The following RSRC1 variants were observed in gnomAD, a reference collection of about 807,000 sequenced individuals.
The protein encoded by RSRC1 is serine/Arginine-related protein 53.
In RSRC1, 39 loss-of-function variants were observed where a neutral mutation model predicts 49.1. The ratio of observed to expected loss-of-function variants is 0.79; its 90% CI spans 0.61 to 1.04. The LOEUF (loss-of-function observed/expected upper bound fraction) is 1.04. Among genes scored for constraint, RSRC1 ranks in the 50% least tolerant of loss-of-function variants. The pLI is 0.00. For missense variants in RSRC1, 388 were observed against 402.4 expected (o/e 0.96, Z 0.31); for synonymous variants, 143 against 130.8 (o/e 1.09, Z -0.63).
At chr3:158,326,821 T>A (rs930443241) in intron 5 of RSRC1, among the ~76,000 whole-genome samples, 1 of 152,234 alleles carries the variant, frequency 6.6e-6, no homozygotes, top group South Asian at 2.1e-4. Flanking sequence ...CTCCTCCTTG[T>A]ACCTCTGGTA....
chr3:158,255,991 A>G lies in RSRC1; in HGVS notation c.495-42048A>G, dbSNP rs568759460. Among the ~76,000 whole-genome samples the G allele has an allele frequency of 3.9e-4, 60 of 152,244 alleles. 1 individual carries two copies. The Middle Eastern group carries it at 0.01, about 26-fold the overall frequency. On this transcript the variant is annotated intron_variant, in intron 4 of 9. Transcript: ENST00000611884. ...GACAATGGGGATTTCTAAGTGTACA[A>G]TCATGTCATCTACGAACAGGGACAG...
At chr3:158,358,658 T>G (rs1470707415) in intron 6 of RSRC1, among the ~76,000 whole-genome samples, 2 of 152,170 alleles carry the variant, frequency 1.3e-5, no homozygotes, top group African/African-American at 4.8e-5. Flanking sequence ...TCAGTGGCAT[T>G]CAGTACATTC....
chr3:158,146,068 T>C (rs575013641), intron 3 of RSRC1, among the ~76,000 whole-genome samples: 2 of 152,346 alleles, frequency 1.3e-5, no homozygotes, highest in African/African-American at 4.8e-5. Flanking sequence ...AATCATGTCA[T>C]CTGCAAACAG....
At chr3:158,118,413 C>CTGTGTGTGTGTGTGTGTGTGTGTGTG (rs57257889) in intron 1 of RSRC1, among the ~76,000 whole-genome samples, 1 of 90,070 alleles carries the variant, frequency 1.1e-5, no homozygotes, top group Non-Finnish European at 2.1e-5. Context: ...ACCTGGCCTT[C>CTGTGTGTGTGTGTGTGTGTGTGTGTG]TGTGTGTGTG....
intron 7 of RSRC1, among the ~76,000 whole-genome samples, chr3:158,516,470 G>C (rs562533815): frequency 1.4e-4 from 22 of 152,232 alleles, no homozygotes; most frequent in African/African-American, 5.1e-4. Context: ...ATCTCCAGCT[G>C]GGTGCTGGGA....
chr3:158,172,611 G>A (rs530264759), intron 3 of RSRC1, among the ~76,000 whole-genome samples: 38 of 152,210 alleles, frequency 2.5e-4, no homozygotes, highest in East Asian at 7.7e-4. Flanking sequence ...GTTAGCTAGC[G>A]TGTGTTTCTT....
At chr3:158,411,584 C>T (rs1578441882) in intron 6 of RSRC1, among the ~76,000 whole-genome samples, 1 of 151,990 alleles carries the variant, frequency 6.6e-6, no homozygotes, top group East Asian at 1.9e-4. Context: ...GTGGTGCCAT[C>T]ATAGTTCATT....
intron 5 of RSRC1, among the ~76,000 whole-genome samples, chr3:158,315,443 A>G (rs980182715): frequency 2.6e-5 from 4 of 152,184 alleles, no homozygotes; most frequent in African/African-American, 9.7e-5. Context: ...TTTACAGATA[A>G]GGAAACTAAG....
chr3:158,411,514 T>C (rs1734465386), intron 6 of RSRC1, among the ~76,000 whole-genome samples: 1 of 151,548 alleles, frequency 6.6e-6, no homozygotes, highest in African/African-American at 2.4e-5. Flanking sequence ...CTTTCTCTTT[T>C]TTTTTTGTTT....
chr3:158,190,875 C>A (rs1382540119), intron 3 of RSRC1, among the ~76,000 whole-genome samples: 1 of 151,854 alleles, frequency 6.6e-6, no homozygotes, highest in African/African-American at 2.4e-5. Context: ...TTTAACCCTT[C>A]TTGAATGACA....
At chr3:158,359,286 T>G (rs138548503) in intron 6 of RSRC1, among the ~76,000 whole-genome samples, 152 of 152,300 alleles carry the variant, frequency 1.0e-3, no homozygotes, top group African/African-American at 3.4e-3. Context: ...CATAATTTCT[T>G]TATCTGTAAG....
chr3:158,391,450 G>A (rs892871520), intron 6 of RSRC1, among the ~76,000 whole-genome samples: 2 of 152,146 alleles, frequency 1.3e-5, no homozygotes, highest in African/African-American at 4.8e-5. Context: ...AGGAGGAAGA[G>A]CTGTCCTAGG....
chr3:158,157,884 C>T (rs940772911), intron 3 of RSRC1, among the ~76,000 whole-genome samples: 2 of 151,998 alleles, frequency 1.3e-5, no homozygotes, highest in African/African-American at 2.4e-5. Context: ...CATTGCACCC[C>T]ACCCTGGGCA....
Position 158,142,734 on chromosome 3 carries a change from C to T in RSRC1, c.320+18743C>T, listed in dbSNP as rs572314438. Among the ~76,000 whole-genome samples, 5 of 152,024 alleles carry T rather than the reference C, an allele frequency of 3.3e-5. No homozygotes were observed. The East Asian group carries it at 9.7e-4, about 30-fold the overall frequency. ...ACAGCACCATGCCGTTCATGCCGTTCATGAGAGATCCACCCTGATGACCCA... is the reference window on the plus strand; with the variant it reads ...ACAGCACCATGCCGTTCATGCCGTTTATGAGAGATCCACCCTGATGACCCA... On this transcript the variant is annotated intron_variant, in intron 3 of 9. Coordinates refer to ENST00000611884, the MANE Select transcript of RSRC1 (RefSeq NM_001271838.2).
intron 4 of RSRC1, among the ~76,000 whole-genome samples, chr3:158,219,809 T>G (rs1722133816): frequency 1.3e-5 from 2 of 151,572 alleles, no homozygotes; most frequent in Admixed American, 6.6e-5. Context: ...TGATCTGACT[T>G]GAGTTCAGAA....
At chr3:158,405,005 A>G (rs1341371140) in intron 6 of RSRC1, among the ~76,000 whole-genome samples, 2 of 152,066 alleles carry the variant, frequency 1.3e-5, no homozygotes, top group African/African-American at 2.4e-5. Flanking sequence ...CTAAACTTCA[A>G]CAGAAAGGAA....
intron 7 of RSRC1, among the ~76,000 whole-genome samples, chr3:158,491,728 ACT>A (rs1321116177): frequency 6.6e-6 from 1 of 152,210 alleles, no homozygotes; most frequent in Non-Finnish European, 1.5e-5. Context: ...AATAAAGATA[ACT>A]CAGTATAATT....
intron 1 of RSRC1, among the ~76,000 whole-genome samples, chr3:158,113,830 C>A (rs976410968): frequency 1.3e-5 from 2 of 152,034 alleles, no homozygotes; most frequent in Non-Finnish European, 2.9e-5. Flanking sequence ...ATGTTCTTTG[C>A]CCATTTTTTA....
rs542863585 is a variant in RSRC1 at position 158,379,286 on chromosome 3, C to T, written c.583+24378C>T. 1.8e-4 allele frequency among the ~76,000 whole-genome samples: 27 copies of T among 150,668 alleles called. No individual in the cohort carries two copies. In the East Asian group the frequency reaches 2.9e-3, roughly 16 times the overall value. ...CGCGATCTCAGCTCACTGCAAGCTCCGCCTCCCGGGTTCATGCCATTCTTC... is the reference window on the plus strand; with the variant it reads ...CGCGATCTCAGCTCACTGCAAGCTCTGCCTCCCGGGTTCATGCCATTCTTC... On this transcript the variant is annotated intron_variant, in intron 6 of 9. Transcript: ENST00000611884.
Sources: allele counts gnomAD v4.1 joint callset (sites outside exome capture counted in the v4.1 genomes callset), GRCh38; gene constraint gnomAD v4.1.1; transcripts MANE v1.5; gene names NCBI Gene and HGNC (gene_info 2026-07-23, HGNC 2026-07-21).